Variants in APBB1 observed in about 807,000 individuals in gnomAD.
The protein encoded by APBB1 is adaptor protein FE65a2.
A neutral mutation model predicts 78.4 loss-of-function variants in APBB1; 22 were observed. That is an observed-to-expected ratio of 0.28 (90% CI 0.20 to 0.40). The LOEUF (loss-of-function observed/expected upper bound fraction) is 0.40. Ranked by LOEUF, APBB1 falls within the 10% of genes least tolerant of loss-of-function variation. The pLI, the probability that APBB1 is intolerant of heterozygous loss-of-function variation, is 1.00. For synonymous variants in APBB1, 369 were observed against 372.7 expected (o/e 0.99, Z 0.12); for missense variants, 749 against 932.4 (o/e 0.80, Z 2.56).
rs931145599 is a variant in APBB1 at position 6,395,246 on chromosome 11, G to A, written c.*288C>T. The A allele has an allele frequency of 1.2e-5, 4 of 335,512 alleles. No individual in the cohort carries two copies. The highest frequency in any genetic ancestry group is 9.8e-5 in the East Asian group (2 of 20,440). 20.8% of individuals were successfully genotyped at this position (335,512 alleles called of 1,614,324 possible). A position where few individuals can be genotyped will look rare whatever the true frequency, so the allele number is the denominator to read the frequency against. On this transcript the variant is annotated 3_prime_UTR_variant, in exon 15 of 15. Coordinates refer to ENST00000609360, the MANE Select transcript of APBB1 (RefSeq NM_001164.5). The surrounding 1 kb of genome is among the most constrained non-coding windows in gnomAD (Gnocchi z 5.2). Reference sequence around the variant, plus strand: ...CTGCCCCTGCTGGGTCCAGGAGGATGAGGCCTGGCCTGGACCAGTTCCTCC... The same window carrying A: ...CTGCCCCTGCTGGGTCCAGGAGGATAAGGCCTGGCCTGGACCAGTTCCTCC...
chr11:6,399,575 T>C (rs563518419), intron 12 of APBB1, among the ~76,000 whole-genome samples: 1 of 152,298 alleles, frequency 6.6e-6, no homozygotes, highest in East Asian at 1.9e-4. Context: ...GATACTCTCA[T>C]TACTGGCCAG....
intron 12 of APBB1, among the ~76,000 whole-genome samples, chr11:6,400,479 T>C (rs1217146561): frequency 1.3e-5 from 2 of 151,362 alleles, no homozygotes; most frequent in Non-Finnish European, 2.9e-5. Flanking sequence ...GAGGCGGAGG[T>C]TGCAGTGAGC....
At chr11:6,404,137 T>C (rs1848680126) in intron 2 of APBB1, 1 of 370,476 alleles carries the variant, frequency 2.7e-6, no homozygotes, top group Admixed American at 4.2e-5. Flanking sequence ...CCTCCTTTCA[T>C]ACATATCTAT....
chr11:6,408,496 T>C (rs1005201274), intron 2 of APBB1, among the ~76,000 whole-genome samples: 2 of 151,934 alleles, frequency 1.3e-5, no homozygotes, highest in Non-Finnish European at 2.9e-5. Flanking sequence ...CTCTACATTT[T>C]TTTTTTCCTT....
At chr11:6,412,075 C>T (rs1280971485) in intron 1 of APBB1, among the ~76,000 whole-genome samples, 4 of 152,166 alleles carry the variant, frequency 2.6e-5, no homozygotes, top group Admixed American at 2.6e-4. Flanking sequence ...CCTCATAATG[C>T]CCTGTCCTGG....
chr11:6,401,961 A>T lies in APBB1; in HGVS notation c.1388+16T>A, dbSNP rs1848539747. On this transcript the variant is annotated intron_variant, in intron 9 of 14. Transcript: ENST00000609360. The surrounding 1 kb of genome is among the most constrained non-coding windows in gnomAD (Gnocchi z 4.5). ...CATCTGGTCCAGGTGTAGGAGGGGG[A>T]AAATAGGCATAGTACCTCTCTCTGG... 1 of 1,556,244 alleles carries T rather than the reference A, an allele frequency of 6.4e-7. No individual in the cohort carries two copies. The highest frequency in any genetic ancestry group is 1.8e-5 in the Admixed American group (1 of 56,868).
At chr11:6,396,576 T>C in intron 12 of APBB1, 1 of 269,012 alleles carries the variant, frequency 3.7e-6, no homozygotes, top group South Asian at 4.2e-5. Context: ...CCACAATAAC[T>C]CCCAAATCAG....
rs746706250 is a variant in APBB1 at position 6,395,484 on chromosome 11, T to C, written c.*50A>G. ...AGACCCCTCCCTGACCCACACCCTT[T>C]AGTTCCCTGGGGCCCAACACAAGCA... On this transcript the variant is annotated 3_prime_UTR_variant, in exon 15 of 15. Coordinates refer to ENST00000609360, the MANE Select transcript of APBB1 (RefSeq NM_001164.5). This position sits in a 1 kb window ranked among gnomAD's most constrained non-coding sequence, Gnocchi z 5.2. The C allele has an allele frequency of 4.0e-6, 6 of 1,491,512 alleles. No individual in the cohort carries two copies. In the Admixed American group the frequency reaches 1.5e-4, roughly 38 times the overall value. The allele number at this position is 1,491,512 out of a possible 1,614,324, so 92.4% of individuals were successfully genotyped here.
rs200152007 is a variant in APBB1, at chr11:6,411,215, C to T, written c.133G>A (p.Val45Met). Reference sequence around the variant, plus strand: ...GCGCTGCGCAGGTCCTTGGGTCCCACAGCTGTGGCCTGCAGCTTGGCGTTG... The same window carrying T: ...GCGCTGCGCAGGTCCTTGGGTCCCATAGCTGTGGCCTGCAGCTTGGCGTTG... ...LLNAKLQATA[V>M]GPKDLRSAMG... is the part of the protein sequence containing the mutation. Residue 45 changes from valine to methionine, a missense_variant, in exon 2 of 15, where the codon GTG becomes ATG. Coordinates refer to ENST00000609360, the MANE Select transcript of APBB1 (RefSeq NM_001164.5). The surrounding 1 kb of genome is among the most constrained non-coding windows in gnomAD (Gnocchi z 5.2). 5 of 1,607,244 alleles carry T rather than the reference C, an allele frequency of 3.1e-6. No individual in the cohort carries two copies. Among genetic ancestry groups the T allele is most frequent in the African/African-American group, 1.3e-5 (1 of 74,900 alleles).
At chr11:6,398,851 G>A (rs890166180) in intron 12 of APBB1, among the ~76,000 whole-genome samples, 23 of 152,190 alleles carry the variant, frequency 1.5e-4, no homozygotes, top group Non-Finnish European at 1.9e-4. Context: ...AAGTCAGCAC[G>A]GTATAAGGGA....
chr11:6,398,217 CTCT>C (rs1185973635), intron 12 of APBB1, among the ~76,000 whole-genome samples: 1 of 151,936 alleles, frequency 6.6e-6, no homozygotes, highest in East Asian at 1.9e-4. Flanking sequence ...CTGTGCTTTT[CTCT>C]TCTTTTTTTT....
At chr11:6,406,135 G>A (rs1848791597) in intron 2 of APBB1, among the ~76,000 whole-genome samples, 3 of 152,204 alleles carry the variant, frequency 2.0e-5, no homozygotes, top group Admixed American at 2.0e-4. Flanking sequence ...CCCTCCAAGC[G>A]CAGCCCACCC....
In APBB1 at chr11:6,410,919, C is replaced by G. The variant is rs769195982; in HGVS notation, c.429G>C (p.Glu143Asp). 6.8e-6 allele frequency: 11 copies of G among 1,614,072 alleles called. No individual in the cohort carries two copies. The highest frequency in any genetic ancestry group is 9.3e-6 in the Non-Finnish European group (11 of 1,180,052). ...TCTCCTCTCCCTCATCTGGCCCCTGCTCTTGAGTGCTGATGATCAGGCCAG... is the reference window on the plus strand; with the variant it reads ...TCTCCTCTCCCTCATCTGGCCCCTGGTCTTGAGTGCTGATGATCAGGCCAG... ...RGPGLIISTQ[E>D]QGPDEGEEKA... Residue 143 changes from glutamate to aspartate, a missense_variant, in exon 2 of 15, where the codon GAG becomes GAC. Coordinates refer to ENST00000609360, the MANE Select transcript of APBB1 (RefSeq NM_001164.5).
Position 6,411,122 on chromosome 11 carries a change from G to C in APBB1, c.226C>G (p.Gln76Glu), listed in dbSNP as rs1454237704. Residue 76 changes from glutamine (Q) to glutamate (E), a missense_variant, in exon 2 of 15, where the codon CAG becomes GAG. Physicochemically the swap from Gln to Glu is conservative, Grantham distance 29. This residue lies in a region of APBB1 where 635 missense variants were observed against 765.0 expected (regional missense o/e 0.83). Transcript: ENST00000609360. The surrounding 1 kb of genome is among the most constrained non-coding windows in gnomAD (Gnocchi z 5.2). ...NAKWLKEGQNQLRRAATAHRD... is the reference protein window; with the variant it reads ...NAKWLKEGQNELRRAATAHRD... The stretch of plus-strand genomic sequence containing the variant: ...TGGGCCGTGGCGGCCCGCCGGAGCT[G>C]GTTCTGGCCCTCTTTTAGCCACTTG... 6.2e-7 allele frequency: 1 copy of C among 1,611,854 alleles called. No individual in the cohort carries two copies. Among genetic ancestry groups the C allele is most frequent in the Non-Finnish European group, 8.5e-7 (1 of 1,179,988 alleles).
chr11:6,415,286 A>G (rs1447157454), intron 1 of APBB1, among the ~76,000 whole-genome samples: 3 of 152,180 alleles, frequency 2.0e-5, no homozygotes, highest in Non-Finnish European at 4.4e-5. Context: ...CTGGCATCAG[A>G]CCACAGGGGT....
In APBB1 at chr11:6,411,440, C is replaced by T. The variant is rs1848963396; in HGVS notation, c.-14-79G>A. On this transcript the variant is annotated intron_variant, in intron 1 of 14. Transcript: ENST00000609360. The surrounding 1 kb of genome is among the most constrained non-coding windows in gnomAD (Gnocchi z 5.2). The stretch of plus-strand genomic sequence containing the variant: ...TCACTGCTTCTGCCCCAGGGCTATG[C>T]CCTGTGCCTCCTCATCTCCCTGCAC... 7.0e-6 allele frequency: 9 copies of T among 1,283,760 alleles called. No individual in the cohort carries two copies. Among genetic ancestry groups the T allele is most frequent in the African/African-American group, 4.5e-5 (3 of 67,020 alleles). The allele number at this position is 1,283,760 out of a possible 1,614,324, so 79.5% of individuals were successfully genotyped here. A position where few individuals can be genotyped will look rare whatever the true frequency, so the allele number is the denominator to read the frequency against.
intron 2 of APBB1, among the ~76,000 whole-genome samples, chr11:6,407,460 G>C (rs1188058321): frequency 4.6e-5 from 7 of 152,196 alleles, no homozygotes. Context: ...CCCTAGTCTT[G>C]CAAACTTCCA....
At chr11:6,398,640 T>C (rs1447255715) in intron 12 of APBB1, among the ~76,000 whole-genome samples, 1 of 152,134 alleles carries the variant, frequency 6.6e-6, no homozygotes, top group Non-Finnish European at 1.5e-5. Flanking sequence ...GTTTAGAAGT[T>C]GAGGACGAGA....
chr11:6,416,111 G>A (rs528014079), intron 1 of APBB1, among the ~76,000 whole-genome samples: 3 of 152,240 alleles, frequency 2.0e-5, no homozygotes, highest in East Asian at 3.9e-4. Context: ...CACAGTGCTC[G>A]TCTTGGTTGT....
Sources: allele counts gnomAD v4.1 joint callset (sites outside exome capture counted in the v4.1 genomes callset), GRCh38; gene constraint gnomAD v4.1.1; regional missense constraint gnomAD v4.1.1; non-coding constraint Gnocchi (gnomAD v3.1); transcripts MANE v1.5; gene names NCBI Gene and HGNC (gene_info 2026-07-23, HGNC 2026-07-21).